FAM91A1: variants seen among roughly 807,000 people sequenced by gnomAD.
FAM91A1 encodes the protein protein FAM91A1.
A neutral mutation model predicts 113.5 loss-of-function variants in FAM91A1; 41 were observed. The observed-to-expected ratio is 0.36, with a 90% CI of 0.28 to 0.47. FAM91A1 has a LOEUF of 0.47. FAM91A1 is among the 20% of genes least tolerant of loss of function. The pLI is 1.00. For missense variants in FAM91A1, 696 were observed against 1,001.2 expected (o/e 0.70, Z 4.11); for synonymous variants, 307 against 347.9 (o/e 0.88, Z 1.31).
chr8:123,780,151 T>A, intron 7 of FAM91A1, 76 bp downstream of exon 7: 1 of 1,232,596 alleles, frequency 8.1e-7, no homozygotes, highest in South Asian at 1.3e-5. Context: ...TAGCAATTAC[T>A]TATCAAGTAG....
Position 123,805,254 on chromosome 8 carries a change from T to A in FAM91A1, c.1810-13T>A. On this transcript the variant is annotated splice_polypyrimidine_tract_variant and intron_variant, in intron 18 of 23. Transcript: ENST00000334705. ...GGTTTCTTGTATACCTTTTAACTTT[T>A]GTTTATGTTTAGGGGCATGGTCTGC... is the stretch of plus-strand genomic sequence containing the variant. 1.2e-6 allele frequency: 2 copies of A among 1,600,218 alleles called. No individual in the cohort carries two copies. The highest frequency in any genetic ancestry group is 8.5e-7 in the Non-Finnish European group (1 of 1,173,362).
intron 15 of FAM91A1, among the ~76,000 whole-genome samples, chr8:123,792,728 T>A (rs1815414575): frequency 6.6e-6 from 1 of 152,156 alleles, no homozygotes; most frequent in Non-Finnish European, 1.5e-5. Flanking sequence ...AATGTTGAAT[T>A]TTGCCTGAGG....
intron 15 of FAM91A1, among the ~76,000 whole-genome samples, chr8:123,797,793 T>A (rs1240545125): frequency 6.6e-6 from 1 of 152,226 alleles, no homozygotes; most frequent in Non-Finnish European, 1.5e-5. Flanking sequence ...GGTATGCCAC[T>A]GTTGTAGAGT....
At chr8:123,770,388 G>A (rs1364856587) in intron 1 of FAM91A1, among the ~76,000 whole-genome samples, 1 of 152,220 alleles carries the variant, frequency 6.6e-6, no homozygotes, top group Non-Finnish European at 1.5e-5. Flanking sequence ...AGCAAAAACC[G>A]AGAAAGATAA....
intron 18 of FAM91A1, among the ~76,000 whole-genome samples, chr8:123,802,677 A>G (rs1800702809): frequency 6.6e-6 from 1 of 152,168 alleles, no homozygotes; most frequent in Non-Finnish European, 1.5e-5. Flanking sequence ...AGAGGATGAA[A>G]TTAGCCAGGG....
chr8:123,775,066 G>A, intron 2 of FAM91A1, 81 bp from the exon 3 acceptor site: 3 of 1,293,962 alleles, frequency 2.3e-6, no homozygotes, highest in Non-Finnish European at 3.1e-6. Flanking sequence ...TTAAATTACT[G>A]TTGGTTTGTA....
At chr8:123,798,464 G>A (rs768338588) in intron 16 of FAM91A1, among the ~76,000 whole-genome samples, 12 of 152,250 alleles carry the variant, frequency 7.9e-5, no homozygotes, top group Middle Eastern at 3.4e-3. Context: ...ATTTATTCAT[G>A]TACAGAATAT....
intron 15 of FAM91A1, among the ~76,000 whole-genome samples, chr8:123,790,522 A>G (rs970348125): frequency 5.3e-5 from 8 of 152,236 alleles, no homozygotes; most frequent in Non-Finnish European, 1.2e-4. Flanking sequence ...TGGGTCCTCA[A>G]TACCACTATA....
Position 123,787,742 on chromosome 8 carries a change from C to G in FAM91A1, c.1270C>G (p.Leu424Val), listed in dbSNP as rs576680991. ...GTCTCTGGACAGCTTTCTTATAGAACTAGAAAAGGTAAATGTAGATTGCAT... is the reference window on the plus strand; with the variant it reads ...GTCTCTGGACAGCTTTCTTATAGAAGTAGAAAAGGTAAATGTAGATTGCAT... Reference protein sequence around the residue: ...DESLDSFLIELEKVQSTGEGE... With the variant: ...DESLDSFLIEVEKVQSTGEGE... The change falls in exon 14 of 24, where the codon CTA becomes GTA. Residue 424 changes from leucine to valine, a missense_variant. Transcript: ENST00000334705. 2 of 1,610,882 alleles carry G rather than the reference C, an allele frequency of 1.2e-6. No individual in the cohort carries two copies. Among genetic ancestry groups the G allele is most frequent in the South Asian group, 1.1e-5 (1 of 90,638 alleles).
intron 6 of FAM91A1, among the ~76,000 whole-genome samples, chr8:123,778,981 A>C (rs1815053722): frequency 6.6e-6 from 1 of 152,278 alleles, no homozygotes; most frequent in South Asian, 2.1e-4. Context: ...GACTTGGTTC[A>C]AGTACAGTTA....
Position 123,779,986 on chromosome 8 carries a change from T to TA in FAM91A1, c.552dup (p.Cys185MetfsTer5). The TA allele has an allele frequency of 1.9e-6, 3 of 1,612,618 alleles. No homozygotes were observed. Among genetic ancestry groups the TA allele is most frequent in the South Asian group, 2.2e-5 (2 of 90,892 alleles). On this transcript the variant is annotated frameshift_variant and splice_region_variant, in exon 7 of 24. Transcript: ENST00000334705. LOFTEE classifies it high-confidence loss of function. ...TTAAAAATATTTTGCTTTTCTTAGATATGCACTTTGCCTGAGAAATGCGCT... is the reference window on the plus strand; with the variant it reads ...TTAAAAATATTTTGCTTTTCTTAGATAATGCACTTTGCCTGAGAAATGCGCT...
At chr8:123,774,893 G>A (rs1175407303) in intron 2 of FAM91A1, among the ~76,000 whole-genome samples, 1 of 152,030 alleles carries the variant, frequency 6.6e-6, no homozygotes, top group East Asian at 1.9e-4. Context: ...GGGGCATGCT[G>A]GTAGTTCCAT....
At chr8:123,799,957 G>A in intron 18 of FAM91A1, 72 bp downstream of exon 18, 2 of 1,205,630 alleles carry the variant, frequency 1.7e-6, no homozygotes, top group Non-Finnish European at 1.2e-6. Flanking sequence ...TCTATATTGA[G>A]TTGCAATAAA....
intron 11 of FAM91A1, 52 bp downstream of exon 11, chr8:123,785,793 A>G (rs1316050358): frequency 1.1e-5 from 11 of 989,692 alleles, no homozygotes; most frequent in African/African-American, 3.4e-5. Flanking sequence ...TTGAAAAGAC[A>G]TTTAATTTTA....
At position 123,787,152 on chromosome 8, in the gene FAM91A1, T is replaced by G. The variant is rs1260093105; in HGVS notation, c.1079-109T>G. The stretch of plus-strand genomic sequence containing the variant: ...TGGCTATAATAGTGCCTTTTTAAAA[T>G]TATGTACTTTCTGGTTATCAAATAA... On this transcript the variant is annotated intron_variant, in intron 12 of 23. Coordinates refer to ENST00000334705, the MANE Select transcript of FAM91A1 (RefSeq NM_144963.4). The G allele has an allele frequency of 1.2e-5, 10 of 809,442 alleles. No homozygotes were observed. In the Admixed American group the frequency reaches 2.5e-4, roughly 20 times the overall value. 50.1% of individuals were successfully genotyped at this position (809,442 alleles called of 1,614,324 possible).
chr8:123,807,462 A>G (rs2130157988), intron 20 of FAM91A1, among the ~76,000 whole-genome samples: 1 of 139,046 alleles, frequency 7.2e-6, no homozygotes, highest in African/African-American at 2.7e-5. Flanking sequence ...CGGGCAATAG[A>G]GCAAGACCCT....
chr8:123,779,056 A>T (rs1362802937), intron 6 of FAM91A1, among the ~76,000 whole-genome samples: 1 of 152,208 alleles, frequency 6.6e-6, no homozygotes, highest in African/African-American at 2.4e-5. Context: ...TACCTACAAC[A>T]ATAATACTGG....
intron 15 of FAM91A1, 134 bp downstream of exon 15, chr8:123,789,879 A>G: frequency 9.5e-7 from 1 of 1,049,964 alleles, no homozygotes; most frequent in Non-Finnish European, 1.3e-6. Flanking sequence ...TTATAACTAG[A>G]GGCCTGTTTT....
chr8:123,798,995 T>C (rs1815611917), intron 16 of FAM91A1, among the ~76,000 whole-genome samples: 1 of 152,226 alleles, frequency 6.6e-6, no homozygotes, highest in African/African-American at 2.4e-5. Context: ...TCCTATTCTT[T>C]AACACAACCT....
Sources: gnomAD v4.1 joint callset for allele counts (sites outside exome capture counted in the v4.1 genomes callset) on GRCh38, gnomAD v4.1.1 for gene constraint, MANE v1.5 for transcripts, NCBI Gene and HGNC (gene_info 2026-07-23, HGNC 2026-07-21) for gene names.